Variants in IGFL2 observed in about 807,000 individuals in gnomAD.
IGFL2 encodes IGF like family member 2.
In IGFL2, 7 loss-of-function variants were observed where a neutral mutation model predicts 13.9. The ratio of observed to expected loss-of-function variants is 0.51; its 90% CI spans 0.29 to 0.95. The LOEUF (loss-of-function observed/expected upper bound fraction) is 0.95. Among genes scored for constraint, IGFL2 ranks in the 40% least tolerant of loss-of-function variants. The pLI is 0.08. For synonymous variants in IGFL2, 55 were observed against 55.8 expected (o/e 0.99, Z 0.07); for missense variants, 138 against 147.8 (o/e 0.93, Z 0.34).
chr19:46,192,976 G>T, the IGFL2 span, among the ~76,000 whole-genome samples: 2 of 146,932 alleles, frequency 1.4e-5, no homozygotes, highest in Non-Finnish European at 3.1e-5. Context: ...GATCACTTGA[G>T]GTCAGGAGTT....
At chr19:46,210,623 C>T in the IGFL2 span, among the ~76,000 whole-genome samples, 1 of 152,186 alleles carries the variant, frequency 6.6e-6, no homozygotes, top group Admixed American at 6.5e-5. Flanking sequence ...GGGAGAAAGA[C>T]GTAGGCTGGA....
the IGFL2 span, among the ~76,000 whole-genome samples, chr19:46,191,373 G>A: frequency 2.0e-5 from 3 of 152,116 alleles, no homozygotes; most frequent in Non-Finnish European, 4.4e-5. Context: ...CTCCCAGGGC[G>A]GGGTGAGGGT....
chr19:46,161,325 T>C (rs570021901), downstream of IGFL2: 7 of 422,556 alleles, frequency 1.7e-5, no homozygotes, highest in African/African-American at 1.4e-4. Flanking sequence ...TTTCTTTTTT[T>C]TTTTTTTTTT....
the IGFL2 span, among the ~76,000 whole-genome samples, chr19:46,188,780 C>G: frequency 6.6e-6 from 1 of 152,244 alleles, no homozygotes; most frequent in East Asian, 1.9e-4. Flanking sequence ...TATTTCCTAC[C>G]CTTGCCTGAC....
At chr19:46,196,837 C>T in the IGFL2 span, 7 of 152,748 alleles carry the variant, frequency 4.6e-5, no homozygotes, top group Admixed American at 4.6e-4. Context: ...CCAGAGCCCT[C>T]CTCTTCTTCC....
At chr19:46,192,313 TA>T in the IGFL2 span, among the ~76,000 whole-genome samples, 1 of 152,218 alleles carries the variant, frequency 6.6e-6, no homozygotes, top group African/African-American at 2.4e-5. Flanking sequence ...TCAATAATTG[TA>T]AAGAGTTATG....
chr19:46,200,494 C>CTTTTCTTTTCTTTTCTTTTA, the IGFL2 span, among the ~76,000 whole-genome samples: 1 of 148,984 alleles, frequency 6.7e-6, no homozygotes, highest in African/African-American at 2.5e-5. Flanking sequence ...CTTTTCTTTT[C>CTTTTCTTTTCTTTTCTTTTA]TTTTCTTTTC....
the IGFL2 span, among the ~76,000 whole-genome samples, chr19:46,124,863 G>GT: frequency 1.3e-5 from 2 of 150,684 alleles, no homozygotes; most frequent in African/African-American, 4.9e-5. Flanking sequence ...ACTGGGTGGC[G>GT]TAAGGGACCA....
chr19:46,111,760 A>C, the IGFL2 span: 1 of 152,220 alleles, frequency 6.6e-6, no homozygotes, highest in African/African-American at 2.4e-5. Flanking sequence ...CCAGCCCCGT[A>C]GCTGAGACTG....
At chr19:46,085,782 A>G in the IGFL2 span, among the ~76,000 whole-genome samples, 1 of 152,094 alleles carries the variant, frequency 6.6e-6, no homozygotes, top group Non-Finnish European at 1.5e-5. Flanking sequence ...TCCATGTTTA[A>G]CACTCCCTTA....
chr19:46,084,853 C>T, the IGFL2 span, among the ~76,000 whole-genome samples: 1 of 152,166 alleles, frequency 6.6e-6, no homozygotes, highest in Non-Finnish European at 1.5e-5. Context: ...CAGACCATAT[C>T]ATTCCACCCC....
At chr19:46,149,009 G>T in intron 1 of IGFL2, 1 of 1,604,970 alleles carries the variant, frequency 6.2e-7, no homozygotes, top group Non-Finnish European at 8.5e-7. Context: ...TCTCAGGCAT[G>T]AGGACCGACT....
At chr19:46,139,336 A>G (rs1972751424), upstream of IGFL2, among the ~76,000 whole-genome samples, 1 of 58,700 alleles carries the variant, frequency 1.7e-5, no homozygotes, top group African/African-American at 6.4e-5. Flanking sequence ...CTCCCCAATC[A>G]AAACCAATTT....
chr19:46,105,056 C>T, the IGFL2 span, among the ~76,000 whole-genome samples: 1 of 152,168 alleles, frequency 6.6e-6, no homozygotes, highest in African/African-American at 2.4e-5. Context: ...ATAAGCGTTG[C>T]CCTAAGCAAT....
chr19:46,135,968 T>C, the IGFL2 span, among the ~76,000 whole-genome samples: 4 of 152,352 alleles, frequency 2.6e-5, no homozygotes, highest in Admixed American at 1.3e-4. Context: ...ACTGTTAGCC[T>C]AATGGGATTC....
At chr19:46,106,477 A>G in the IGFL2 span, among the ~76,000 whole-genome samples, 1 of 152,196 alleles carries the variant, frequency 6.6e-6, no homozygotes, top group Non-Finnish European at 1.5e-5. Context: ...GGTCAGTCCA[A>G]GTGAAAGTGA....
chr19:46,094,390 G>A, the IGFL2 span, among the ~76,000 whole-genome samples: 1 of 152,084 alleles, frequency 6.6e-6, no homozygotes. Context: ...AGCAATGTAT[G>A]AATATATATG....
At chr19:46,083,373 T>C in the IGFL2 span, among the ~76,000 whole-genome samples, 16 of 152,348 alleles carry the variant, frequency 1.1e-4, no homozygotes, top group Middle Eastern at 6.8e-3. Flanking sequence ...GGATATGTGC[T>C]CTTAGGGATT....
intron 1 of IGFL2, among the ~76,000 whole-genome samples, chr19:46,149,379 C>T (rs1344711147): frequency 6.8e-6 from 1 of 146,498 alleles, no homozygotes; most frequent in African/African-American, 2.5e-5. Flanking sequence ...CCCCTCTCCC[C>T]TCCCTGTCTT....
Sources: allele counts gnomAD v4.1 joint callset (sites outside exome capture counted in the v4.1 genomes callset), GRCh38; gene constraint gnomAD v4.1.1; transcripts MANE v1.5; gene names NCBI Gene and HGNC (gene_info 2026-07-23, HGNC 2026-07-21).